Variants in DPP10 observed in about 807,000 individuals in gnomAD.
DPP10 encodes the protein dipeptidyl peptidase like 10.
Under a neutral mutation model 120.9 loss-of-function variants are expected in DPP10, and 33 were observed. The ratio of observed to expected loss-of-function variants is 0.27; its 90% CI spans 0.21 to 0.37. The LOEUF is 0.37. DPP10 is among the 10% of genes least tolerant of loss of function. The probability of loss-of-function intolerance (pLI) is 1.00; values close to 1 mark genes in which losing one functional copy is unlikely to be tolerated. For synonymous variants in DPP10, 337 were observed against 326.1 expected (o/e 1.03, Z -0.36); for missense variants, 816 against 942.8 (o/e 0.87, Z 1.76).
chr2:115,629,777 C>A (rs1176326007), intron 5 of DPP10, among the ~76,000 whole-genome samples: 1 of 152,120 alleles, frequency 6.6e-6, no homozygotes, highest in African/African-American at 2.4e-5. Context: ...CGTTTTGGTA[C>A]CAGTACCATG....
intron 1 of DPP10, among the ~76,000 whole-genome samples, chr2:115,143,286 C>T (rs2051031353): frequency 6.6e-6 from 1 of 152,120 alleles, no homozygotes; most frequent in Admixed American, 6.6e-5. Context: ...CCATTGGTAG[C>T]CCATGGCTGG....
intron 1 of DPP10, among the ~76,000 whole-genome samples, chr2:114,813,426 G>T (rs1048516440): frequency 6.6e-6 from 1 of 152,142 alleles, no homozygotes; most frequent in Non-Finnish European, 1.5e-5. Flanking sequence ...TATTTGCAAA[G>T]TGCTTGGCTC....
At chr2:115,359,936 C>T (rs1238391889) in intron 3 of DPP10, among the ~76,000 whole-genome samples, 3 of 152,034 alleles carry the variant, frequency 2.0e-5, no homozygotes, top group African/African-American at 7.2e-5. Context: ...TTTAATTTCT[C>T]TAGTAAGTTT....
Position 115,661,012 on chromosome 2 carries a change from G to A in DPP10, c.442-28675G>A, listed in dbSNP as rs549489840. Among the ~76,000 whole-genome samples, 383 of 151,886 alleles carry A rather than the reference G, an allele frequency of 2.5e-3. 2 individuals carry two copies. The highest frequency in any genetic ancestry group is 8.9e-3 in the African/African-American group (367 of 41,440). On this transcript the variant is annotated intron_variant, in intron 5 of 25. Coordinates refer to ENST00000410059, the MANE Select transcript of DPP10 (RefSeq NM_020868.6). ...TCCACCCAGGCTGGAGTGCAGTGGC[G>A]TGATCTCGGCTCACTGCAAACTCTG... is the stretch of plus-strand genomic sequence containing the variant.
chr2:115,615,668 G>C (rs773943689), intron 5 of DPP10, among the ~76,000 whole-genome samples: 3 of 152,022 alleles, frequency 2.0e-5, no homozygotes, highest in Admixed American at 1.3e-4. Context: ...TTTCAAATTG[G>C]TAAGTCATAT....
chr2:115,690,011 C>G, intron 7 of DPP10, 90 bp downstream of exon 7: 1 of 1,318,360 alleles, frequency 7.6e-7, no homozygotes, highest in East Asian at 2.3e-5. Flanking sequence ...CATAGGAAAA[C>G]TTGTCCTACA....
intron 1 of DPP10, among the ~76,000 whole-genome samples, chr2:115,054,544 C>A (rs995798098): frequency 6.6e-6 from 1 of 152,190 alleles, no homozygotes; most frequent in Non-Finnish European, 1.5e-5. Context: ...AAAGCTGGAA[C>A]TAAACAACTA....
intron 1 of DPP10, among the ~76,000 whole-genome samples, chr2:115,163,899 A>G (rs2052630328): frequency 6.6e-6 from 1 of 151,976 alleles, no homozygotes; most frequent in African/African-American, 2.4e-5. Context: ...CACGCTGTCT[A>G]TACACAACAA....
intron 1 of DPP10, among the ~76,000 whole-genome samples, chr2:114,680,594 A>C (rs1181402256): frequency 6.6e-6 from 1 of 152,082 alleles, no homozygotes; most frequent in Non-Finnish European, 1.5e-5. Flanking sequence ...TTAAAAGGTT[A>C]GTACAACCTG....
chr2:115,658,132 G>A (rs1347977446), intron 5 of DPP10, among the ~76,000 whole-genome samples: 1 of 151,840 alleles, frequency 6.6e-6, no homozygotes, highest in Non-Finnish European at 1.5e-5. Context: ...TGCTCTATTT[G>A]GAAGTACATA....
chr2:114,480,215 G>A (rs1471228722), intron 1 of DPP10, among the ~76,000 whole-genome samples: 1 of 151,106 alleles, frequency 6.6e-6, no homozygotes, highest in Non-Finnish European at 1.5e-5. Context: ...AACAGGTGCT[G>A]GAGAGGATGT....
intron 1 of DPP10, among the ~76,000 whole-genome samples, chr2:114,538,627 T>A (rs778497709): frequency 1.3e-5 from 2 of 152,200 alleles, no homozygotes; most frequent in African/African-American, 2.4e-5. Context: ...TTAGTGAGGG[T>A]AAGTTAGGCT....
At chr2:115,295,484 A>G (rs956351159) in intron 1 of DPP10, among the ~76,000 whole-genome samples, 3 of 152,082 alleles carry the variant, frequency 2.0e-5, no homozygotes, top group African/African-American at 2.4e-5. Flanking sequence ...ATGGCTAATA[A>G]CCGTCACAGA....
chr2:114,939,386 T>C (rs1461642119), intron 1 of DPP10, among the ~76,000 whole-genome samples: 1 of 152,152 alleles, frequency 6.6e-6, no homozygotes, highest in Non-Finnish European at 1.5e-5. Context: ...CTTTATTATA[T>C]ACTAAATTTT....
chr2:115,459,938 T>TATATATATATATATACACAC (rs66927327), intron 3 of DPP10, among the ~76,000 whole-genome samples: 7,818 of 128,334 alleles, frequency 0.061, 338 homozygotes, highest in Middle Eastern at 0.1. Context: ...TATATATATA[T>TATATATATATATATACACAC]ACACACACAC....
In DPP10 at chr2:115,229,762, G is replaced by T. The variant is rs565912211; in HGVS notation, c.61-79477G>T. On this transcript the variant is annotated intron_variant, in intron 1 of 25. Coordinates refer to ENST00000410059, the MANE Select transcript of DPP10 (RefSeq NM_020868.6). ...ATTCTATTCTATTCTATTGGTCTATGTTTCTTTTTATGCCAGTAGCATGTT... is the reference window on the plus strand; with the variant it reads ...ATTCTATTCTATTCTATTGGTCTATTTTTCTTTTTATGCCAGTAGCATGTT... Among the ~76,000 whole-genome samples the T allele has an allele frequency of 7.7e-5, 11 of 143,404 alleles. 1 individual carries two copies. The South Asian group carries it at 2.4e-3, about 31-fold the overall frequency. 94.1% of individuals were successfully genotyped at this position (143,404 alleles called of 152,430 possible).
rs185867245 is a variant in DPP10, at chr2:114,635,749, T to C, written c.60+192911T>C. ...AAAGACTTTTTATTGATGTGAGTTA[T>C]ATCCATTGCTACTTACATAAAAAAT... On this transcript the variant is annotated intron_variant, in intron 1 of 25. Coordinates refer to ENST00000410059, the MANE Select transcript of DPP10 (RefSeq NM_020868.6). Among the ~76,000 whole-genome samples the C allele has an allele frequency of 4.1e-4, 63 of 152,076 alleles. 1 individual carries two copies. Among genetic ancestry groups the C allele is most frequent in the African/African-American group, 1.4e-3 (57 of 41,354 alleles).
chr2:115,836,090 T>G, intron 21 of DPP10, 67 bp from the exon 22 acceptor site: 1 of 723,020 alleles, frequency 1.4e-6, no homozygotes, highest in Non-Finnish European at 1.9e-6. Context: ...TATAAATTTG[T>G]GTGTGTGTAT....
At chr2:115,779,142 A>G (rs893194174) in intron 15 of DPP10, among the ~76,000 whole-genome samples, 1 of 152,082 alleles carries the variant, frequency 6.6e-6, no homozygotes, top group Non-Finnish European at 1.5e-5. Flanking sequence ...AACTGCCTCA[A>G]TCTTTCTTCC....
Sources: allele counts gnomAD v4.1 joint callset (sites outside exome capture counted in the v4.1 genomes callset), GRCh38; gene constraint gnomAD v4.1.1; transcripts MANE v1.5; gene names NCBI Gene and HGNC (gene_info 2026-07-23, HGNC 2026-07-21).